The following ARHGAP12 variants were observed in gnomAD, a reference collection of about 807,000 sequenced individuals.
ARHGAP12 encodes rho GTPase-activating protein 12.
In ARHGAP12, 64 loss-of-function variants were observed where a neutral mutation model predicts 108.6. The ratio of observed to expected loss-of-function variants is 0.59; its 90% CI spans 0.48 to 0.73. ARHGAP12 has a LOEUF of 0.73. Ranked by LOEUF, ARHGAP12 falls within the 30% of genes least tolerant of loss-of-function variation. The pLI is 0.00. For synonymous variants in ARHGAP12, 312 were observed against 337.2 expected (o/e 0.93, Z 0.82); for missense variants, 940 against 1,005.9 (o/e 0.93, Z 0.89).
chr10:31,852,636 T>C (rs1836731507), intron 5 of ARHGAP12, 39 bp from the exon 6 acceptor site: 2 of 1,417,282 alleles, frequency 1.4e-6, no homozygotes, highest in African/African-American at 1.4e-5. Flanking sequence ...TAAATTTAAA[T>C]AAAAGTGAGT....
At chr10:31,834,959 G>A (rs1046791585) in intron 9 of ARHGAP12, among the ~76,000 whole-genome samples, 1 of 152,138 alleles carries the variant, frequency 6.6e-6, no homozygotes, top group African/African-American at 2.4e-5. Context: ...TCAGCACTTT[G>A]GGAGGCCAAC....
intron 9 of ARHGAP12, among the ~76,000 whole-genome samples, chr10:31,835,524 T>C (rs1263291494): frequency 6.6e-6 from 1 of 152,190 alleles, no homozygotes; most frequent in East Asian, 1.9e-4. Context: ...CTTCAAATTC[T>C]ACTAGGTAAT....
chr10:31,862,705 GACACACACAC>G (rs559731195), intron 3 of ARHGAP12, among the ~76,000 whole-genome samples: 11,233 of 133,008 alleles, frequency 0.084, 437 homozygotes, highest in Middle Eastern at 0.1. Context: ...TGCACACACA[GACACACACAC>G]ACACACACAC....
In ARHGAP12 at chr10:31,918,342, C is replaced by CAT. The variant is rs1839649201; in HGVS notation, c.-110-7780_-110-7779insAT. On this transcript the variant is annotated intron_variant, in intron 1 of 19. Coordinates refer to ENST00000344936, the MANE Select transcript of ARHGAP12 (RefSeq NM_018287.7). ...ACACACACACACACACACACACACA[C>CAT]ACACACACACACACACACCAATGAG... 2.0e-5 allele frequency among the ~76,000 whole-genome samples: 3 copies of CAT among 151,658 alleles called. No homozygotes were observed. The South Asian group carries it at 6.3e-4, about 32-fold the overall frequency.
chr10:31,884,007 G>A (rs2799030), intron 3 of ARHGAP12, among the ~76,000 whole-genome samples: 1 of 150,432 alleles, frequency 6.6e-6, no homozygotes, highest in South Asian at 2.1e-4. Flanking sequence ...GAGCCACTAC[G>A]CCTGGCCTAA....
intron 3 of ARHGAP12, among the ~76,000 whole-genome samples, chr10:31,872,284 A>C (rs1042600226): frequency 2.0e-5 from 3 of 152,034 alleles, no homozygotes; most frequent in African/African-American, 7.2e-5. Context: ...AATAAAACCA[A>C]AATCTCTCCC....
At chr10:31,868,371 T>C (rs1837412415) in intron 3 of ARHGAP12, among the ~76,000 whole-genome samples, 1 of 152,212 alleles carries the variant, frequency 6.6e-6, no homozygotes, top group South Asian at 2.1e-4. Context: ...TTATATATGT[T>C]TTTTTCTATG....
At chr10:31,808,527 G>A in intron 19 of ARHGAP12, 122 bp downstream of exon 19, 1 of 795,808 alleles carries the variant, frequency 1.3e-6, no homozygotes, top group Non-Finnish European at 2.1e-6. Context: ...ACTTTTTCAA[G>A]TTACAAAGAC....
At chr10:31,891,738 C>G in intron 3 of ARHGAP12, among the ~76,000 whole-genome samples, 1 of 152,192 alleles carries the variant, frequency 6.6e-6, no homozygotes. Context: ...TAGATTTGGT[C>G]TTTTCACATA....
intron 12 of ARHGAP12, among the ~76,000 whole-genome samples, chr10:31,819,186 T>C (rs1291521014): frequency 6.6e-6 from 1 of 152,132 alleles, no homozygotes; most frequent in Non-Finnish European, 1.5e-5. Flanking sequence ...GTTATGGTGA[T>C]GCTTGTCATG....
intron 13 of ARHGAP12, among the ~76,000 whole-genome samples, chr10:31,816,174 T>TGTGTGTGTGTGG (rs906173759): frequency 1.5e-5 from 2 of 136,750 alleles, no homozygotes; most frequent in Admixed American, 7.1e-5. Flanking sequence ...GAAACGTGTG[T>TGTGTGTGTGTGG]GTGTGTGTGT....
intron 12 of ARHGAP12, among the ~76,000 whole-genome samples, chr10:31,819,955 T>TG (rs1205080120): frequency 6.9e-6 from 1 of 145,390 alleles, no homozygotes; most frequent in Non-Finnish European, 1.5e-5. Context: ...TGGAAAGGTT[T>TG]AAAAAAAAAA....
chr10:31,927,025 A>C (rs1352734657), intron 1 of ARHGAP12, among the ~76,000 whole-genome samples: 1 of 152,224 alleles, frequency 6.6e-6, no homozygotes, highest in African/African-American at 2.4e-5. Flanking sequence ...TTGGCGCATA[A>C]ATATACATAC....
chr10:31,925,308 T>C (rs538552477), intron 1 of ARHGAP12, among the ~76,000 whole-genome samples: 4 of 152,328 alleles, frequency 2.6e-5, no homozygotes, highest in Admixed American at 6.5e-5. Context: ...CTCAAACTTT[T>C]AGTGAGCAAT....
intron 3 of ARHGAP12, among the ~76,000 whole-genome samples, chr10:31,874,738 C>T (rs2132345082): frequency 6.6e-6 from 1 of 152,078 alleles, no homozygotes; most frequent in African/African-American, 2.4e-5. Flanking sequence ...CTTTGGGCGG[C>T]CGAGGCGTGC....
chr10:31,818,508 T>A (rs1158878802), intron 12 of ARHGAP12, among the ~76,000 whole-genome samples: 8 of 152,174 alleles, frequency 5.3e-5, no homozygotes, highest in African/African-American at 1.9e-4. Flanking sequence ...CAATCTCTGT[T>A]TTGCAGTTTC....
intron 9 of ARHGAP12, among the ~76,000 whole-genome samples, chr10:31,836,467 T>C (rs1836018527): frequency 6.6e-6 from 1 of 152,134 alleles, no homozygotes; most frequent in African/African-American, 2.4e-5. Flanking sequence ...TAACAATCAT[T>C]TAAAAATTAG....
At chr10:31,894,468 A>G (rs1838592049) in intron 3 of ARHGAP12, among the ~76,000 whole-genome samples, 1 of 152,146 alleles carries the variant, frequency 6.6e-6, no homozygotes, top group Non-Finnish European at 1.5e-5. Context: ...ACAAACAGAG[A>G]GCCAAATCAT....
intron 3 of ARHGAP12, among the ~76,000 whole-genome samples, chr10:31,887,438 C>A (rs375264444): frequency 1.3e-5 from 2 of 152,138 alleles, no homozygotes; most frequent in Admixed American, 6.5e-5. Flanking sequence ...ATAAAAAGAA[C>A]CATCACAAGT....
Sources: allele counts gnomAD v4.1 joint callset (sites outside exome capture counted in the v4.1 genomes callset), GRCh38; gene constraint gnomAD v4.1.1; transcripts MANE v1.5; gene names NCBI Gene and HGNC (gene_info 2026-07-23, HGNC 2026-07-21).